Variants in PKLR observed in about 807,000 individuals in gnomAD.
PKLR encodes pyruvate kinase PKLR.
In PKLR, 38 loss-of-function variants were observed where a neutral mutation model predicts 53.6. The observed-to-expected ratio is 0.71, with a 90% CI of 0.55 to 0.93. The LOEUF (loss-of-function observed/expected upper bound fraction) is 0.93. PKLR is among the 40% of genes least tolerant of loss of function. The pLI, the probability that PKLR is intolerant of heterozygous loss-of-function variation, is 0.00. For synonymous variants in PKLR, 328 were observed against 316.2 expected, an observed-to-expected ratio of 1.04 and a Z score of -0.39; for missense variants, 702 against 787.3, an observed-to-expected ratio of 0.89 and a Z score of 1.30.
chr1:155,302,382 A>G (rs1240882309), upstream of PKLR, among the ~76,000 whole-genome samples: 1 of 151,376 alleles, frequency 6.6e-6, no homozygotes, highest in African/African-American at 2.4e-5. Context: ...GATTACAGGC[A>G]TGCACCACCA....
chr1:155,293,689 A>C lies in PKLR; in HGVS notation c.1117-99T>G. The C allele has an allele frequency of 8.1e-7, 1 of 1,239,934 alleles. No individual in the cohort carries two copies. Among genetic ancestry groups the C allele is most frequent in the African/African-American group, 1.5e-5 (1 of 68,024 alleles). 76.8% of individuals were successfully genotyped at this position (1,239,934 alleles called of 1,614,324 possible). A position where few individuals can be genotyped will look rare whatever the true frequency, so the allele number is the denominator to read the frequency against. ...GACACCCACACTCTCAGAGTGTCCC[A>C]AAATCCAGGGTCACAGTCACAACCC... On this transcript the variant is annotated intron_variant, in intron 7 of 10. Transcript: ENST00000342741. This position sits in a 1 kb window ranked among gnomAD's most constrained non-coding sequence, Gnocchi z 4.2.
chr1:155,293,135 T>C lies in PKLR; in HGVS notation c.1436+42A>G, dbSNP rs202005446. The stretch of plus-strand genomic sequence containing the variant: ...CCTGGGGCCCGTCCCAGCCCACCCC[T>C]GACCCAAAGCTCCATCTGGACATTC... On this transcript the variant is annotated intron_variant, in intron 9 of 10. Transcript: ENST00000342741. The surrounding 1 kb of genome is among the most constrained non-coding windows in gnomAD (Gnocchi z 4.2). 3.3e-5 allele frequency: 25 copies of C among 752,956 alleles called. No homozygotes were observed. Among genetic ancestry groups the C allele is most frequent in the African/African-American group, 2.7e-4 (15 of 55,314 alleles). The allele number at this position is 752,956 out of a possible 1,614,324, so 46.6% of individuals were successfully genotyped here. A position where few individuals can be genotyped will look rare whatever the true frequency, so the allele number is the denominator to read the frequency against.
At chr1:155,299,491 C>CTTTTTTTTTTTTTTTTTT (rs35869567) in intron 2 of PKLR, among the ~76,000 whole-genome samples, 6 of 42,760 alleles carry the variant, frequency 1.4e-4, no homozygotes, top group African/African-American at 6.1e-4. Flanking sequence ...GCCCAGCCCA[C>CTTTTTTTTTTTTTTTTTT]TTTTTTTTTT....
intron 2 of PKLR, among the ~76,000 whole-genome samples, chr1:155,296,655 T>G (rs1056120568): frequency 6.6e-6 from 1 of 152,068 alleles, no homozygotes; most frequent in African/African-American, 2.4e-5. Context: ...ATGTTTTCCT[T>G]TTTTACTGGA....
chr1:155,294,764 G>T lies in PKLR; in HGVS notation c.695-12C>A. 1 of 1,613,770 alleles carries T rather than the reference G, an allele frequency of 6.2e-7. No homozygotes were observed. The highest frequency in any genetic ancestry group is 8.5e-7 in the Non-Finnish European group (1 of 1,179,998). On this transcript the variant is annotated splice_polypyrimidine_tract_variant and intron_variant, in intron 5 of 10. Transcript: ENST00000342741. ...CAGTCCCTCTGGGCCTGCGGACATG[G>T]AAAGAGCCAGCTGCGGTCAGGGGTG...
rs747549978 is a variant in PKLR, at chr1:155,294,624, C to T, written c.823G>A (p.Gly275Arg). The change falls in exon 6 of 11, where the codon GGG becomes AGG. Residue 275 changes from glycine to arginine, a missense_variant. Gly to Arg is a moderately radical substitution (Grantham distance 125, BLOSUM62 -2). This residue lies in a region of PKLR where 519 missense variants were observed against 537.1 expected (regional missense o/e 0.97). Transcript: ENST00000342741. ...SEQDVRDLRF[G>R]VEHGVDIVFA... is the part of the protein sequence containing the mutation. Reference sequence around the variant, plus strand: ...ACGATGTCCACCCCATGCTCCACCCCGAAGCGCAGGTCTCGGACGTCCTGC... The same window carrying T: ...ACGATGTCCACCCCATGCTCCACCCTGAAGCGCAGGTCTCGGACGTCCTGC... 6.2e-7 allele frequency: 1 copy of T among 1,614,200 alleles called. No homozygotes were observed. Among genetic ancestry groups the T allele is most frequent in the African/African-American group, 1.3e-5 (1 of 75,064 alleles).
the PKLR span, among the ~76,000 whole-genome samples, chr1:155,306,941 G>A: frequency 6.6e-6 from 1 of 152,124 alleles, no homozygotes; most frequent in African/African-American, 2.4e-5. This position sits in a 1 kb window ranked among gnomAD's most constrained non-coding sequence, Gnocchi z 4.2. Flanking sequence ...CGCGCATCTG[G>A]AGTTGTTCAT....
chr1:155,291,711 C>CT, intron 10 of PKLR, 45 bp downstream of exon 10: 1 of 1,582,814 alleles, frequency 6.3e-7, no homozygotes, highest in Non-Finnish European at 8.7e-7. Context: ...TGGGGGGCTC[C>CT]TGATACAAAT....
At chr1:155,300,559 G>T (rs1647935020) in intron 1 of PKLR, among the ~76,000 whole-genome samples, 1 of 152,062 alleles carries the variant, frequency 6.6e-6, no homozygotes, top group Admixed American at 6.6e-5. Context: ...ATCTAGGTCT[G>T]ACTAACTCTA....
rs141596564 is a variant in PKLR, at chr1:155,293,537, A to G, written c.1170T>C (p.Asp390=). ...KPRPTRAETS[D]VANAVLDGAD... is the part of the protein sequence containing the mutation. ...CCCCATCCAGCACAGCATTGGCGAC[A>G]TCGCTTGTCTCTGCCCTCGTTGGCC... Residue 390 remains aspartate, a synonymous_variant, in exon 8 of 11, where the codon GAT becomes GAC. Transcript: ENST00000342741. The surrounding 1 kb of genome is among the most constrained non-coding windows in gnomAD (Gnocchi z 4.2). The G allele has an allele frequency of 3.0e-5, 48 of 1,614,106 alleles. No homozygotes were observed. The highest frequency in any genetic ancestry group is 3.6e-5 in the Non-Finnish European group (43 of 1,180,036).
the PKLR span, chr1:155,308,418 G>A: frequency 3.0e-6 from 1 of 329,230 alleles, no homozygotes; most frequent in Non-Finnish European, 4.3e-6. Context: ...ATTACCTCAT[G>A]GTATTACCAC....
rs1647539058 is a variant in PKLR, at chr1:155,295,584, G to C, written c.376-16C>G. On this transcript the variant is annotated splice_polypyrimidine_tract_variant and intron_variant, in intron 3 of 10. Coordinates refer to ENST00000342741, the MANE Select transcript of PKLR (RefSeq NM_000298.6). This position sits in a 1 kb window ranked among gnomAD's most constrained non-coding sequence, Gnocchi z 4.3. ...CAGCATGGTACTGGGGGAGGGAGCG[G>C]AGCGAGGGTTTCAGGGGAAGGTGGC... The C allele has an allele frequency of 6.2e-7, 1 of 1,613,952 alleles. No individual in the cohort carries two copies. The highest frequency in any genetic ancestry group is 8.5e-7 in the Non-Finnish European group (1 of 1,180,008).
rs1486826071 is a variant in PKLR, at chr1:155,295,405, C to G, written c.507+32G>C. 1 of 1,612,076 alleles carries G rather than the reference C, an allele frequency of 6.2e-7. No homozygotes were observed. Among genetic ancestry groups the G allele is most frequent in the Non-Finnish European group, 8.5e-7 (1 of 1,179,224 alleles). ...CCCTACAGGCGCCGCCTTTCCGGCC[C>G]TGGCCCAGCGAGTCCCAGCCCCACT... On this transcript the variant is annotated intron_variant, in intron 4 of 10. Transcript: ENST00000342741. This position sits in a 1 kb window ranked among gnomAD's most constrained non-coding sequence, Gnocchi z 4.3.
At chr1:155,299,273 C>T (rs901324969) in intron 2 of PKLR, among the ~76,000 whole-genome samples, 2 of 151,178 alleles carry the variant, frequency 1.3e-5, no homozygotes, top group African/African-American at 2.4e-5. Context: ...TCACTGCAGC[C>T]GTGACCTCCT....
chr1:155,291,899 G>T lies in PKLR; in HGVS notation c.1475C>A (p.Ala492Glu), dbSNP rs1461630879. 8.7e-6 allele frequency: 14 copies of T among 1,613,824 alleles called. No individual in the cohort carries two copies. The highest frequency in any genetic ancestry group is 1.2e-5 in the Non-Finnish European group (14 of 1,180,012). Reference sequence around the variant, plus strand: ...GGCAGAGCGGGTGACAGCAATGACTGCTGCCCGAGGTCGGTACCGAGACAG... The same window carrying T: ...GGCAGAGCGGGTGACAGCAATGACTTCTGCCCGAGGTCGGTACCGAGACAG... ...QLLSRYRPRA[A>E]VIAVTRSAQA... Residue 492 changes from alanine to glutamate, a missense_variant, in exon 10 of 11, where the codon GCA becomes GAA. Ala to Glu is a moderately radical substitution (Grantham distance 107). This residue lies in a region of PKLR where 183 missense variants were observed against 250.2 expected (regional missense o/e 0.73). Transcript: ENST00000342741.
At position 155,289,474 on chromosome 1, in the gene PKLR, C is replaced by A. The variant is rs1674440648; in HGVS notation, c.*1098G>T. 6.6e-6 allele frequency: 1 copy of A among 152,260 alleles called. No individual in the cohort carries two copies. The highest frequency in any genetic ancestry group is 1.5e-5 in the Non-Finnish European group (1 of 68,052). 9.4% of individuals were successfully genotyped at this position (152,260 alleles called of 1,614,324 possible). A position where few individuals can be genotyped will look rare whatever the true frequency, so the allele number is the denominator to read the frequency against. On this transcript the variant is annotated 3_prime_UTR_variant, in exon 11 of 11. Coordinates refer to ENST00000342741, the MANE Select transcript of PKLR (RefSeq NM_000298.6). ...CTTGCCCAAACCCATCAGCGCAATA[C>A]TTGAACCTTCTCCCAGGTAGGGGCA...
intron 2 of PKLR, among the ~76,000 whole-genome samples, chr1:155,298,994 CTTT>C (rs1342597226): frequency 2.3e-4 from 22 of 96,756 alleles, no homozygotes; most frequent in African/African-American, 5.2e-4. Context: ...TTCTTTCTTT[CTTT>C]CTTTCTTTCT....
upstream of PKLR, among the ~76,000 whole-genome samples, chr1:155,304,434 CAAAAAAAAAAAA>C (rs61510118): frequency 3.1e-4 from 19 of 62,238 alleles, no homozygotes; most frequent in Admixed American, 1.3e-3. Context: ...AACTGCGTCT[CAAAAAAAAAAAA>C]AAAAAAAAAA....
chr1:155,299,036 CTTTCTTTCTTTCT>C lies in PKLR; in HGVS notation c.283+1049_283+1061del, dbSNP rs1557963551. Among the ~76,000 whole-genome samples the C allele has an allele frequency of 1.7e-3, 99 of 58,124 alleles. 2 individuals carry two copies. Among genetic ancestry groups the C allele is most frequent in the African/African-American group, 3.9e-3 (38 of 9,716 alleles). The allele number at this position is 58,124 out of a possible 152,430, so 38.1% of individuals were successfully genotyped here. A position where few individuals can be genotyped will look rare whatever the true frequency, so the allele number is the denominator to read the frequency against. ...TTTCTTTCTTTCTTTCTTTCTTTCT[CTTTCTTTCTTTCT>C]TTCCTTCCTTCCTTCCTTCCTTCTT... On this transcript the variant is annotated intron_variant, in intron 2 of 10. Coordinates refer to ENST00000342741, the MANE Select transcript of PKLR (RefSeq NM_000298.6).
Sources: gnomAD v4.1 joint callset for allele counts (sites outside exome capture counted in the v4.1 genomes callset) on GRCh38, gnomAD v4.1.1 for gene constraint, gnomAD v4.1.1 regional missense constraint, Gnocchi (gnomAD v3.1) non-coding constraint, MANE v1.5 for transcripts, NCBI Gene and HGNC (gene_info 2026-07-23, HGNC 2026-07-21) for gene names.